Variants in WRN observed in about 807,000 individuals in gnomAD.
The protein encoded by WRN is WRN RecQ like helicase, also known as bifunctional 3'-5' exonuclease/ATP-dependent helicase WRN.
A neutral mutation model predicts 180.7 loss-of-function variants in WRN; 149 were observed. The ratio of observed to expected loss-of-function variants is 0.82; its 90% CI spans 0.72 to 0.94. The LOEUF is 0.94. Among genes scored for constraint, WRN ranks in the 40% least tolerant of loss-of-function variants. WRN has a pLI of 0.00. For synonymous variants in WRN, 548 were observed against 568.9 expected, an observed-to-expected ratio of 0.96 and a Z score of 0.52; for missense variants, 1,661 against 1,700.1, an observed-to-expected ratio of 0.98 and a Z score of 0.40.
chr8:31,079,851 A>G (rs1294031863), intron 8 of WRN, among the ~76,000 whole-genome samples: 1 of 152,200 alleles, frequency 6.6e-6, no homozygotes, highest in African/African-American at 2.4e-5. Context: ...TGAAAAAATT[A>G]GGCAAAACGG....
chr8:31,135,265 C>T (rs981936984), intron 24 of WRN, among the ~76,000 whole-genome samples: 2 of 151,566 alleles, frequency 1.3e-5, no homozygotes, highest in Non-Finnish European at 2.9e-5. Context: ...CCCATGTTGC[C>T]CTGCCTGTCT....
At chr8:31,064,162 C>A in intron 3 of WRN, 127 bp from the exon 4 acceptor site, 1 of 951,994 alleles carries the variant, frequency 1.1e-6, no homozygotes, top group South Asian at 1.7e-5. Flanking sequence ...TGTTCATTGT[C>A]AGTTGTATGT....
intron 1 of WRN, among the ~76,000 whole-genome samples, chr8:31,045,306 C>CT (rs1811817514): frequency 6.6e-6 from 1 of 152,096 alleles, no homozygotes; most frequent in South Asian, 2.1e-4. Flanking sequence ...ATGTTCACCA[C>CT]CTTCCATAGT....
rs763768734 is a variant in WRN, at chr8:31,167,083, C to T, written c.4044C>T (p.Ile1348=). The T allele has an allele frequency of 3.1e-6, 5 of 1,613,238 alleles. No individual in the cohort carries two copies. The highest frequency in any genetic ancestry group is 1.3e-5 in the African/African-American group (1 of 74,838). ...LVPENIDTYL[I]HMAIEILKHG... is the part of the protein sequence containing the mutation. ...CTGAAAACATTGACACGTACCTTAT[C>T]CACATGGCAATTGAGATCCTTAAAC... is the stretch of plus-strand genomic sequence containing the variant. The change falls in exon 34 of 35, where the codon ATC becomes ATT. Residue 1348 remains isoleucine, a synonymous_variant. Coordinates refer to ENST00000298139, the MANE Select transcript of WRN (RefSeq NM_000553.6).
intron 1 of WRN, among the ~76,000 whole-genome samples, chr8:31,035,926 AT>A (rs1051290790): frequency 2.0e-5 from 3 of 151,906 alleles, no homozygotes; most frequent in African/African-American, 7.3e-5. Flanking sequence ...TCACTTACCT[AT>A]TTTTTTGTCT....
At position 31,103,733 on chromosome 8, in the gene WRN, TTTTA is replaced by T. The variant is rs560197487; in HGVS notation, c.2088+2786_2088+2789del. Among the ~76,000 whole-genome samples the T allele has an allele frequency of 3.1e-3, 473 of 152,230 alleles. 3 individuals carry two copies. The highest frequency in any genetic ancestry group is 0.01 in the African/African-American group (425 of 41,524). ...CATATCTCAAAGGTTCTTTATTTTT[TTTTA>T]TTTATTTTTCTTTTTTTGAGACAGT... On this transcript the variant is annotated intron_variant, in intron 18 of 34. Transcript: ENST00000298139.
intron 1 of WRN, among the ~76,000 whole-genome samples, chr8:31,055,972 A>G (rs974253656): frequency 1.3e-5 from 2 of 152,194 alleles, no homozygotes; most frequent in African/African-American, 4.8e-5. Context: ...GATACAAGTA[A>G]ATTTGACAAA....
intron 21 of WRN, among the ~76,000 whole-genome samples, chr8:31,123,290 C>G (rs981282853): frequency 3.9e-5 from 6 of 151,950 alleles, no homozygotes; most frequent in Non-Finnish European, 5.9e-5. Flanking sequence ...AGTACTGTGC[C>G]TAATTTATAA....
In WRN at chr8:31,064,904, A is replaced by T; in HGVS notation, c.356-11A>T. On this transcript the variant is annotated splice_polypyrimidine_tract_variant and intron_variant, in intron 4 of 34. Transcript: ENST00000298139. ...GACAGAACTTATGGAAATAACAAGA[A>T]AATGTTACAGTTTTTCCCCAGGGAT... 6.2e-7 allele frequency: 1 copy of T among 1,613,278 alleles called. No homozygotes were observed. Among genetic ancestry groups the T allele is most frequent in the Non-Finnish European group, 8.5e-7 (1 of 1,179,542 alleles).
At chr8:31,050,435 G>A (rs185093352) in intron 1 of WRN, among the ~76,000 whole-genome samples, 1 of 151,746 alleles carries the variant, frequency 6.6e-6, no homozygotes, top group African/African-American at 2.4e-5. Flanking sequence ...ACTGATAATC[G>A]CTGGGTGAGC....
intron 28 of WRN, among the ~76,000 whole-genome samples, 157 bp from the exon 29 acceptor site, chr8:31,146,896 A>G (rs1483072598): frequency 3.9e-5 from 6 of 152,332 alleles, no homozygotes; most frequent in East Asian, 1.9e-4. Context: ...TTTAAAATCT[A>G]GGCTGTTGTC....
intron 24 of WRN, among the ~76,000 whole-genome samples, chr8:31,140,685 T>C (rs1802585612): frequency 6.6e-6 from 1 of 152,216 alleles, no homozygotes; most frequent in African/African-American, 2.4e-5. Context: ...AAAAATGCAT[T>C]GGAAGCTGTG....
intron 34 of WRN, chr8:31,171,275 C>T (rs1443154885): frequency 6.6e-6 from 1 of 151,302 alleles, no homozygotes; most frequent in Non-Finnish European, 1.5e-5. Context: ...TTTTTGCAAT[C>T]TATGCATCTG....
chr8:31,116,278 A>C, intron 19 of WRN, 76 bp from the exon 20 acceptor site: 1 of 1,465,546 alleles, frequency 6.8e-7, no homozygotes, highest in Non-Finnish European at 9.4e-7. Flanking sequence ...GGAAGAATTA[A>C]ATAAGATAAA....
chr8:31,115,195 T>G (rs1162304663), intron 19 of WRN, among the ~76,000 whole-genome samples: 1 of 152,162 alleles, frequency 6.6e-6, no homozygotes, highest in Admixed American at 6.5e-5. Context: ...TGTGCTGGCC[T>G]TAAAATAAGA....
rs768425708 is a variant in WRN, at chr8:31,064,446, T to C, written c.355+12T>C. On this transcript the variant is annotated intron_variant, in intron 4 of 34. Transcript: ENST00000298139. ...TTCTTCCATGTCAGGTTGGTATCTCTACATTTCATTTTTATATGGCTGATA... is the reference window on the plus strand; with the variant it reads ...TTCTTCCATGTCAGGTTGGTATCTCCACATTTCATTTTTATATGGCTGATA... 10 of 1,613,380 alleles carry C rather than the reference T, an allele frequency of 6.2e-6. No individual in the cohort carries two copies. In the East Asian group the frequency reaches 2.0e-4, roughly 32 times the overall value.
intron 20 of WRN, among the ~76,000 whole-genome samples, chr8:31,119,455 C>G (rs1461369500): frequency 6.6e-6 from 1 of 151,894 alleles, no homozygotes; most frequent in African/African-American, 2.4e-5. Flanking sequence ...CGACTCTTCT[C>G]TCTGAAAGAT....
intron 18 of WRN, 22 bp from the exon 19 acceptor site, chr8:31,111,593 A>T: frequency 6.2e-7 from 1 of 1,613,512 alleles, no homozygotes. Context: ...CCTTTTTAAA[A>T]TATCAGTTTT....
At chr8:31,109,662 A>C (rs575151781) in intron 18 of WRN, among the ~76,000 whole-genome samples, 2 of 152,300 alleles carry the variant, frequency 1.3e-5, no homozygotes, top group East Asian at 3.9e-4. Context: ...TATTTCATGC[A>C]TTATGTTCAG....
Sources: gnomAD v4.1 joint callset for allele counts (sites outside exome capture counted in the v4.1 genomes callset) on GRCh38, gnomAD v4.1.1 for gene constraint, MANE v1.5 for transcripts, NCBI Gene and HGNC (gene_info 2026-07-23, HGNC 2026-07-21) for gene names.